TENM4: variants seen among roughly 807,000 people sequenced by gnomAD.
TENM4 encodes teneurin transmembrane protein 4.
In TENM4, 82 loss-of-function variants were observed where a neutral mutation model predicts 243.3. That is an observed-to-expected ratio of 0.34 (90% CI 0.28 to 0.40). The LOEUF (loss-of-function observed/expected upper bound fraction) is 0.40. Among genes scored for constraint, TENM4 ranks in the 10% least tolerant of loss-of-function variants. TENM4 has a pLI of 1.00. For missense variants in TENM4, 3,138 were observed against 3,673.3 expected (o/e 0.85, Z 3.77); for synonymous variants, 1,412 against 1,456.3 (o/e 0.97, Z 0.69).
intron 1 of TENM4, chr11:79,439,234 T>A (rs1425204359): frequency 6.6e-6 from 1 of 150,746 alleles, no homozygotes; most frequent in Non-Finnish European, 1.5e-5. Context: ...GTATGCAGGT[T>A]CAGGCAAAAC....
At chr11:79,286,631 G>A (rs1305465768) in intron 2 of TENM4, among the ~76,000 whole-genome samples, 1 of 151,898 alleles carries the variant, frequency 6.6e-6, no homozygotes, top group Non-Finnish European at 1.5e-5. Context: ...ATCGTGCCAC[G>A]GCACTCCAGC....
intron 7 of TENM4, among the ~76,000 whole-genome samples, chr11:78,898,837 C>T (rs1399480286): frequency 6.6e-6 from 1 of 152,102 alleles, no homozygotes. Context: ...GGAGTCTGTT[C>T]TCTGAAATGT....
At chr11:79,226,232 G>T (rs74976749) in intron 2 of TENM4, among the ~76,000 whole-genome samples, 1 of 152,148 alleles carries the variant, frequency 6.6e-6, no homozygotes, top group Non-Finnish European at 1.5e-5. Flanking sequence ...ATCCCTCATC[G>T]TGTTTTATGT....
intron 6 of TENM4, among the ~76,000 whole-genome samples, chr11:79,001,340 C>CG (rs1858320291): frequency 6.6e-6 from 1 of 151,990 alleles, no homozygotes; most frequent in Non-Finnish European, 1.5e-5. Context: ...GGGCTGAAGG[C>CG]GGGGGGAAGC....
At chr11:79,274,297 G>T (rs1236371473) in intron 2 of TENM4, among the ~76,000 whole-genome samples, 2 of 152,252 alleles carry the variant, frequency 1.3e-5, no homozygotes, top group Non-Finnish European at 2.9e-5. Context: ...GTCTTTTGCA[G>T]AATGCATCCC....
intron 3 of TENM4, among the ~76,000 whole-genome samples, chr11:79,168,944 A>G (rs1862980436): frequency 6.6e-6 from 1 of 151,940 alleles, no homozygotes; most frequent in African/African-American, 2.4e-5. Context: ...GGCCCAGTCT[A>G]CCCCCACCCA....
At chr11:79,320,987 C>T (rs1856878953) in intron 1 of TENM4, among the ~76,000 whole-genome samples, 1 of 152,206 alleles carries the variant, frequency 6.6e-6, no homozygotes, top group Non-Finnish European at 1.5e-5. Context: ...ATCCCTGATT[C>T]ACAGCTGAGG....
At chr11:78,829,063 C>T (rs1293277978) in intron 12 of TENM4, among the ~76,000 whole-genome samples, 6 of 152,340 alleles carry the variant, frequency 3.9e-5, no homozygotes, top group East Asian at 3.9e-4. Context: ...TAGATGAAGA[C>T]AGCCTGAGGG....
At chr11:79,308,279 A>T (rs1856660099) in intron 1 of TENM4, among the ~76,000 whole-genome samples, 1 of 152,282 alleles carries the variant, frequency 6.6e-6, no homozygotes, top group African/African-American at 2.4e-5. Context: ...TGAAAATAAG[A>T]TTACAAAGAA....
intron 6 of TENM4, among the ~76,000 whole-genome samples, chr11:78,998,868 C>T (rs1858243124): frequency 6.6e-6 from 1 of 152,176 alleles, no homozygotes; most frequent in Non-Finnish European, 1.5e-5. Flanking sequence ...AGAGAGGTTC[C>T]AGACCATTCT....
intron 12 of TENM4, 123 bp downstream of exon 12, chr11:78,853,981 C>T: frequency 2.0e-6 from 2 of 983,754 alleles, no homozygotes; most frequent in South Asian, 1.8e-5. Flanking sequence ...GGGTCTCGTG[C>T]CAAGCTCCAG....
chr11:78,805,129 T>C (rs952167933), intron 15 of TENM4, among the ~76,000 whole-genome samples, 163 bp downstream of exon 15: 2 of 152,130 alleles, frequency 1.3e-5, no homozygotes, highest in Admixed American at 1.3e-4. Context: ...TCTCTTTGTC[T>C]AAGAGTAGAG....
At chr11:79,076,010 G>T (rs1207306010) in intron 4 of TENM4, among the ~76,000 whole-genome samples, 1 of 152,226 alleles carries the variant, frequency 6.6e-6, no homozygotes, top group African/African-American at 2.4e-5. Context: ...CTTTGATAAA[G>T]TATAAACTGC....
rs112636995 is a variant in TENM4 at position 78,927,195 on chromosome 11, C to G, written c.494-23672G>C. On this transcript the variant is annotated intron_variant, in intron 6 of 33. Coordinates refer to ENST00000278550, the MANE Select transcript of TENM4 (RefSeq NM_001098816.3). ...TGTGGCTACTACACAGGAACTGATT[C>G]AATGTTAAAATAGTTTGCTAGCTGC... Among the ~76,000 whole-genome samples the G allele has an allele frequency of 2.8e-3, 432 of 152,278 alleles. 2 individuals carry two copies. The highest frequency in any genetic ancestry group is 9.8e-3 in the African/African-American group (407 of 41,544).
intron 2 of TENM4, among the ~76,000 whole-genome samples, chr11:79,279,942 G>A (rs1856126012): frequency 6.6e-6 from 1 of 152,088 alleles, no homozygotes; most frequent in East Asian, 1.9e-4. Flanking sequence ...TTATAAAAGG[G>A]GTGGAGGGAA....
chr11:78,789,459 G>T (rs1038333570), intron 15 of TENM4, among the ~76,000 whole-genome samples: 3 of 152,184 alleles, frequency 2.0e-5, no homozygotes, highest in African/African-American at 7.2e-5. Context: ...TCCTGTCTCT[G>T]TAATTCCCAT....
At chr11:78,677,316 G>A (rs1858504657) in intron 29 of TENM4, among the ~76,000 whole-genome samples, 1 of 145,402 alleles carries the variant, frequency 6.9e-6, no homozygotes, top group Admixed American at 7.1e-5. Context: ...GTAGTACAAT[G>A]TGATCATAGC....
intron 12 of TENM4, among the ~76,000 whole-genome samples, chr11:78,841,429 A>G (rs1354318853): frequency 6.6e-6 from 1 of 152,140 alleles, no homozygotes; most frequent in Non-Finnish European, 1.5e-5. Context: ...CTGTCAGGCA[A>G]TCCATTTCTG....
At chr11:79,123,577 C>T (rs1861791704) in intron 4 of TENM4, among the ~76,000 whole-genome samples, 1 of 151,102 alleles carries the variant, frequency 6.6e-6, no homozygotes, top group Non-Finnish European at 1.5e-5. Flanking sequence ...GGACTCTTCT[C>T]TCCAGACAAA....
Sources: allele counts gnomAD v4.1 joint callset (sites outside exome capture counted in the v4.1 genomes callset), GRCh38; gene constraint gnomAD v4.1.1; transcripts MANE v1.5; gene names NCBI Gene and HGNC (gene_info 2026-07-23, HGNC 2026-07-21).